Variants in NSUN3 observed in about 807,000 individuals in gnomAD.
NSUN3 encodes tRNA (cytosine(34)-C(5))-methyltransferase, mitochondrial.
A neutral mutation model predicts 36.8 loss-of-function variants in NSUN3; 24 were observed. The ratio of observed to expected loss-of-function variants is 0.65; its 90% CI spans 0.47 to 0.92. The LOEUF is 0.92. Ranked by LOEUF, NSUN3 falls within the 40% of genes least tolerant of loss-of-function variation. The pLI, the probability that NSUN3 is intolerant of heterozygous loss-of-function variation, is 0.00. For missense variants in NSUN3, 381 were observed against 392.8 expected (o/e 0.97, Z 0.25); for synonymous variants, 146 against 145.2 (o/e 1.01, Z -0.04).
At chr3:94,082,130 C>CT (rs2077271838) in intron 2 of NSUN3, 1 of 152,172 alleles carries the variant, frequency 6.6e-6, no homozygotes, top group Admixed American at 6.6e-5. Context: ...TTACACATGA[C>CT]TCAACACTGG....
chr3:94,102,202 TAAAAAAAAAAA>T (rs5850923), intron 5 of NSUN3, among the ~76,000 whole-genome samples: 1 of 101,588 alleles, frequency 9.8e-6, no homozygotes, highest in Non-Finnish European at 1.9e-5. Flanking sequence ...AAAGAAACGT[TAAAAAAAAAAA>T]AAAAAAAAAA....
intron 5 of NSUN3, among the ~76,000 whole-genome samples, chr3:94,111,586 T>TTTG (rs961212132): frequency 6.6e-5 from 10 of 152,140 alleles, no homozygotes; most frequent in South Asian, 4.1e-4. Flanking sequence ...AATTTAATTT[T>TTTG]TTGTTGTTGT....
intron 5 of NSUN3, among the ~76,000 whole-genome samples, chr3:94,114,103 TG>T (rs1487677592): frequency 2.0e-5 from 3 of 152,230 alleles, no homozygotes; most frequent in Non-Finnish European, 4.4e-5. Context: ...ATGTTAAAAG[TG>T]CCTGGAGGTA....
At chr3:94,104,607 A>T (rs932361722) in intron 5 of NSUN3, among the ~76,000 whole-genome samples, 1 of 152,214 alleles carries the variant, frequency 6.6e-6, no homozygotes, top group African/African-American at 2.4e-5. Flanking sequence ...GCATGGAAAC[A>T]TGATTAAGAG....
chr3:94,113,953 T>C (rs1182626387), intron 5 of NSUN3, among the ~76,000 whole-genome samples: 1 of 152,204 alleles, frequency 6.6e-6, no homozygotes, highest in Non-Finnish European at 1.5e-5. Flanking sequence ...TATGTCTCAG[T>C]GTGAAGTATG....
intron 5 of NSUN3, among the ~76,000 whole-genome samples, chr3:94,125,693 A>G (rs2077482463): frequency 6.6e-6 from 1 of 152,080 alleles, no homozygotes; most frequent in South Asian, 2.1e-4. Context: ...AGTCTAACTT[A>G]CTCTATCTTT....
chr3:94,104,522 T>C (rs769620950), intron 5 of NSUN3, among the ~76,000 whole-genome samples: 20 of 152,180 alleles, frequency 1.3e-4, no homozygotes, highest in Non-Finnish European at 1.8e-4. Flanking sequence ...GTCCCACGTC[T>C]AAATCTTGGG....
At chr3:94,114,803 C>T (rs552984930) in intron 5 of NSUN3, among the ~76,000 whole-genome samples, 8 of 152,260 alleles carry the variant, frequency 5.3e-5, no homozygotes, top group Admixed American at 4.6e-4. Flanking sequence ...CTATTACTGC[C>T]ATCTTTATGT....
intron 1 of NSUN3, 122 bp from the exon 2 acceptor site, chr3:94,064,315 T>C: frequency 3.1e-6 from 2 of 641,128 alleles, no homozygotes; most frequent in Non-Finnish European, 5.6e-6. Context: ...ATTGCTTCCA[T>C]TTCAAGAACT....
rs544802741 is a variant in NSUN3 at position 94,128,735 on chromosome 3, C to T, written c.*2245C>T. Among the ~76,000 whole-genome samples, 37 of 151,954 alleles carry T rather than the reference C, an allele frequency of 2.4e-4. No homozygotes were observed. Among genetic ancestry groups the T allele is most frequent in the Non-Finnish European group, 4.6e-4 (31 of 67,998 alleles). On this transcript the variant is annotated 3_prime_UTR_variant, in exon 6 of 6. Coordinates refer to ENST00000314622, the MANE Select transcript of NSUN3 (RefSeq NM_022072.5). ...ACTTACAGGATGGGAGAAATATTTGCAAATTATGCATCTGCCAAAGGTCTA... is the reference window on the plus strand; with the variant it reads ...ACTTACAGGATGGGAGAAATATTTGTAAATTATGCATCTGCCAAAGGTCTA...
intron 5 of NSUN3, among the ~76,000 whole-genome samples, chr3:94,097,878 T>A (rs979361641): frequency 1.3e-5 from 2 of 152,144 alleles, no homozygotes; most frequent in Non-Finnish European, 2.9e-5. Flanking sequence ...TCTGATGGCT[T>A]CAACTGATAT....
At chr3:94,103,439 A>T (rs1446909969) in intron 5 of NSUN3, among the ~76,000 whole-genome samples, 1 of 151,674 alleles carries the variant, frequency 6.6e-6, no homozygotes, top group Non-Finnish European at 1.5e-5. Context: ...CAATATTATT[A>T]TACAATAGTA....
At chr3:94,075,938 C>T in intron 2 of NSUN3, 1 of 1,498,136 alleles carries the variant, frequency 6.7e-7, no homozygotes. Flanking sequence ...GATCCATATT[C>T]CTTCAGGGTC....
chr3:94,063,436 T>C, intron 1 of NSUN3: 1 of 419,868 alleles, frequency 2.4e-6, no homozygotes. Context: ...GTCTGTTACA[T>C]AGTAGGCATT....
chr3:94,071,288 A>G (rs898578843), intron 2 of NSUN3, among the ~76,000 whole-genome samples: 1 of 152,246 alleles, frequency 6.6e-6, no homozygotes, highest in Non-Finnish European at 1.5e-5. Flanking sequence ...AATTTAGTAC[A>G]TACACATGTG....
intron 5 of NSUN3, among the ~76,000 whole-genome samples, chr3:94,102,830 A>G (rs1024403139): frequency 9.9e-5 from 15 of 152,092 alleles, no homozygotes; most frequent in Non-Finnish European, 1.2e-4. Context: ...TGAAAATAAG[A>G]TGTTATCAGC....
At chr3:94,080,525 AGGT>A (rs1169751122) in intron 2 of NSUN3, among the ~76,000 whole-genome samples, 2 of 152,176 alleles carry the variant, frequency 1.3e-5, no homozygotes, top group Non-Finnish European at 2.9e-5. Flanking sequence ...CCCTTTCCCC[AGGT>A]GCTCTGTCCC....
intron 2 of NSUN3, among the ~76,000 whole-genome samples, chr3:94,083,703 G>A (rs1432443589): frequency 6.6e-6 from 1 of 152,152 alleles, no homozygotes; most frequent in Non-Finnish European, 1.5e-5. Flanking sequence ...TGCAAAGGGA[G>A]TAGCGCCTGG....
intron 5 of NSUN3, among the ~76,000 whole-genome samples, chr3:94,119,003 G>C (rs1007429953): frequency 1.3e-5 from 2 of 152,034 alleles, no homozygotes; most frequent in Admixed American, 1.3e-4. Flanking sequence ...TCTAACTGTT[G>C]TAAAAATACA....
Sources: allele counts gnomAD v4.1 joint callset (sites outside exome capture counted in the v4.1 genomes callset), GRCh38; gene constraint gnomAD v4.1.1; transcripts MANE v1.5; gene names NCBI Gene and HGNC (gene_info 2026-07-23, HGNC 2026-07-21).